Variants in KIAA0825 observed in about 807,000 individuals in gnomAD.
KIAA0825 encodes KIAA0825, also known as uncharacterized protein KIAA0825.
KIAA0825 carries 119 observed loss-of-function variants against 147.6 expected under a neutral mutation model. That is an observed-to-expected ratio of 0.81 (90% CI 0.69 to 0.94). KIAA0825 has a LOEUF of 0.94. KIAA0825 is among the 40% of genes least tolerant of loss of function. KIAA0825 has a pLI of 0.00. For missense variants in KIAA0825, 1,381 were observed against 1,472.7 expected (o/e 0.94, Z 1.02); for synonymous variants, 470 against 518.1 (o/e 0.91, Z 1.26).
At chr5:94,461,369 A>G (rs1584560971) in intron 12 of KIAA0825, among the ~76,000 whole-genome samples, 1 of 151,914 alleles carries the variant, frequency 6.6e-6, no homozygotes, top group African/African-American at 2.4e-5. Context: ...CATCTATGGT[A>G]AATCAGTTTA....
At position 94,545,013 on chromosome 5, in the gene KIAA0825, G is replaced by A. The variant is rs1173196663; in HGVS notation, c.-1-7886C>T. 2.0e-5 allele frequency among the ~76,000 whole-genome samples: 3 copies of A among 151,944 alleles called. No individual in the cohort carries two copies. The East Asian group carries it at 5.8e-4, about 29-fold the overall frequency. Reference sequence around the variant, plus strand: ...CCCTTGGCAGCAACCACATAGTGTGGAAAGACAATCTATGCACTTAGAAGA... The same window carrying A: ...CCCTTGGCAGCAACCACATAGTGTGAAAAGACAATCTATGCACTTAGAAGA... On this transcript the variant is annotated intron_variant, in intron 2 of 20. Coordinates refer to ENST00000682413, the MANE Select transcript of KIAA0825 (RefSeq NM_001145678.3).
chr5:94,567,991 C>A (rs1431098606), intron 2 of KIAA0825: 14 of 160,282 alleles, frequency 8.7e-5, no homozygotes, highest in South Asian at 1.9e-4. Context: ...CCACCCTGTT[C>A]GCAGCAGTCT....
At position 94,285,970 on chromosome 5, in the gene KIAA0825, C is replaced by G; in HGVS notation, c.3710+98398G>C. On this transcript the variant is annotated intron_variant, in intron 20 of 20. Transcript: ENST00000682413. Reference sequence around the variant, plus strand: ...AAAAACTGCAAAAGTCACATATCAGCCAACACCAGAGAAAATCCACAGCAA... The same window carrying G: ...AAAAACTGCAAAAGTCACATATCAGGCAACACCAGAGAAAATCCACAGCAA... 2.0e-5 allele frequency among the ~76,000 whole-genome samples: 3 copies of G among 152,240 alleles called. No homozygotes were observed. In the South Asian group the frequency reaches 6.2e-4, roughly 32 times the overall value.
chr5:94,522,439 T>C (rs1341852278), intron 4 of KIAA0825, among the ~76,000 whole-genome samples: 1 of 151,714 alleles, frequency 6.6e-6, no homozygotes, highest in Non-Finnish European at 1.5e-5. Context: ...TTTAAGTCCG[T>C]AAATAACTGT....
At chr5:94,538,345 G>C (rs906661923) in intron 2 of KIAA0825, among the ~76,000 whole-genome samples, 2 of 152,172 alleles carry the variant, frequency 1.3e-5, no homozygotes, top group Non-Finnish European at 2.9e-5. Flanking sequence ...CAGAAGCTAT[G>C]GGGAAAGAAG....
Position 94,566,712 on chromosome 5 carries a change from C to T in KIAA0825, c.-2+15721G>A, listed in dbSNP as rs529180040. Among the ~76,000 whole-genome samples the T allele has an allele frequency of 9.6e-4, 146 of 152,118 alleles. 1 individual carries two copies. The highest frequency in any genetic ancestry group is 3.4e-3 in the African/African-American group (141 of 41,518). On this transcript the variant is annotated intron_variant, in intron 2 of 20. Coordinates refer to ENST00000682413, the MANE Select transcript of KIAA0825 (RefSeq NM_001145678.3). ...TTAAATTGTTCATACCATGAATAGACTCTTCTATATAGATTATAATATTTT... is the reference window on the plus strand; with the variant it reads ...TTAAATTGTTCATACCATGAATAGATTCTTCTATATAGATTATAATATTTT...
chr5:94,490,070 C>T (rs1407703072), intron 5 of KIAA0825, among the ~76,000 whole-genome samples: 1 of 151,888 alleles, frequency 6.6e-6, no homozygotes, highest in East Asian at 1.9e-4. Context: ...CATATTTGCC[C>T]TGGGCAAAAG....
At chr5:94,374,413 C>A (rs1199502611) in intron 20 of KIAA0825, among the ~76,000 whole-genome samples, 1 of 152,152 alleles carries the variant, frequency 6.6e-6, no homozygotes, top group Non-Finnish European at 1.5e-5. Flanking sequence ...TAACACATAT[C>A]CATATAATCT....
chr5:94,381,456 A>C (rs1231774450), intron 20 of KIAA0825, among the ~76,000 whole-genome samples: 1 of 152,242 alleles, frequency 6.6e-6, no homozygotes, highest in East Asian at 1.9e-4. Flanking sequence ...ACACAAATGC[A>C]GTGATGTGTG....
At chr5:94,379,317 C>T (rs1023221787) in intron 20 of KIAA0825, among the ~76,000 whole-genome samples, 2 of 152,088 alleles carry the variant, frequency 1.3e-5, no homozygotes, top group African/African-American at 2.4e-5. Context: ...CAATCTTTTG[C>T]GTATGGCTTG....
At chr5:94,208,621 T>A (rs1177203574) in intron 20 of KIAA0825, among the ~76,000 whole-genome samples, 1 of 151,994 alleles carries the variant, frequency 6.6e-6, no homozygotes. Context: ...TAGCTGAGAG[T>A]TACAGAGAAG....
At chr5:94,156,571 G>C (rs1767048563) in intron 20 of KIAA0825, among the ~76,000 whole-genome samples, 1 of 152,144 alleles carries the variant, frequency 6.6e-6, no homozygotes, top group Non-Finnish European at 1.5e-5. Flanking sequence ...ATTAAAATCT[G>C]TATAATTAAT....
intron 15 of KIAA0825, among the ~76,000 whole-genome samples, chr5:94,411,483 G>A (rs2150678495): frequency 6.6e-6 from 1 of 152,170 alleles, no homozygotes; most frequent in South Asian, 2.1e-4. Flanking sequence ...AAATTACATA[G>A]CCATATGGAA....
intron 20 of KIAA0825, among the ~76,000 whole-genome samples, chr5:94,366,387 T>C (rs1029057338): frequency 6.6e-6 from 1 of 152,076 alleles, no homozygotes; most frequent in Admixed American, 6.5e-5. Flanking sequence ...TAGCACCTAA[T>C]AGAGACTGCT....
intron 20 of KIAA0825, among the ~76,000 whole-genome samples, chr5:94,345,752 G>A (rs1038144455): frequency 2.0e-5 from 3 of 151,866 alleles, no homozygotes; most frequent in African/African-American, 7.3e-5. Flanking sequence ...AAACCCCTCA[G>A]ACACCAAGTT....
intron 20 of KIAA0825, among the ~76,000 whole-genome samples, chr5:94,278,737 G>A (rs1477678806): frequency 1.3e-5 from 2 of 152,060 alleles, no homozygotes; most frequent in Non-Finnish European, 2.9e-5. Context: ...TCATATTTTT[G>A]ACAGTAAATG....
chr5:94,458,230 G>A (rs1759368978), intron 12 of KIAA0825, among the ~76,000 whole-genome samples: 1 of 152,178 alleles, frequency 6.6e-6, no homozygotes, highest in Non-Finnish European at 1.5e-5. Flanking sequence ...TAAGTGCCTT[G>A]AATTTCTCAT....
chr5:94,508,788 C>G (rs532671764), intron 5 of KIAA0825, among the ~76,000 whole-genome samples: 1 of 152,324 alleles, frequency 6.6e-6, no homozygotes, highest in East Asian at 1.9e-4. Context: ...GAGCCTGGCA[C>G]TAAGCTATTT....
intron 5 of KIAA0825, among the ~76,000 whole-genome samples, chr5:94,515,791 C>CAAA (rs754577018): frequency 9.6e-5 from 9 of 93,612 alleles, no homozygotes; most frequent in African/African-American, 3.8e-4. Context: ...GACTCTGTCT[C>CAAA]AAAAAAAAAA....
Sources: allele counts gnomAD v4.1 joint callset (sites outside exome capture counted in the v4.1 genomes callset), GRCh38; gene constraint gnomAD v4.1.1; transcripts MANE v1.5; gene names NCBI Gene and HGNC (gene_info 2026-07-23, HGNC 2026-07-21).